DUS2: variants seen among roughly 807,000 people sequenced by gnomAD.
The protein encoded by DUS2 is dihydrouridine synthase 2.
A neutral mutation model predicts 71.3 loss-of-function variants in DUS2; 52 were observed. That is an observed-to-expected ratio of 0.73 (90% CI 0.58 to 0.92). The LOEUF (loss-of-function observed/expected upper bound fraction) is 0.92, where lower values mean the gene tolerates loss of function less well. Ranked by LOEUF, DUS2 falls within the 40% of genes least tolerant of loss-of-function variation. DUS2 has a pLI of 0.00. For synonymous variants in DUS2, 204 were observed against 227.8 expected, an observed-to-expected ratio of 0.90 and a Z score of 0.94; for missense variants, 558 against 622.6, an observed-to-expected ratio of 0.90 and a Z score of 1.10.
intron 7 of DUS2, among the ~76,000 whole-genome samples, chr16:68,058,916 A>G (rs2033898764): frequency 6.6e-6 from 1 of 152,228 alleles, no homozygotes. Context: ...AGCCAGATAA[A>G]AAGCATAGAT....
intron 8 of DUS2, among the ~76,000 whole-genome samples, chr16:68,065,514 C>G (rs2033993385): frequency 6.6e-6 from 1 of 151,956 alleles, no homozygotes; most frequent in Non-Finnish European, 1.5e-5. Flanking sequence ...CATGGTGGTC[C>G]CAGCTACTCT....
At chr16:68,037,773 G>GA (rs2033554728) in intron 2 of DUS2, 1 of 276,158 alleles carries the variant, frequency 3.6e-6, no homozygotes, top group Non-Finnish European at 6.9e-6. Flanking sequence ...GGTGGCAGAC[G>GA]CCCATAATCC....
intron 12 of DUS2, among the ~76,000 whole-genome samples, chr16:68,072,658 GCCACTGAAGTCATAGGC>G (rs2034103784): frequency 2.0e-5 from 3 of 151,890 alleles, no homozygotes; most frequent in Admixed American, 2.0e-4. Flanking sequence ...CACTTTCCCA[GCCACTGAAGTCATAGGC>G]CCACGTGGAG....
chr16:68,075,932 C>T (rs1255205350), intron 14 of DUS2, among the ~76,000 whole-genome samples: 6 of 152,164 alleles, frequency 3.9e-5, no homozygotes, highest in African/African-American at 1.2e-4. Flanking sequence ...AAGCTGCTTA[C>T]GCCTCAGATT....
intron 6 of DUS2, among the ~76,000 whole-genome samples, chr16:68,055,769 C>T (rs1050625638): frequency 3.3e-5 from 5 of 150,894 alleles, no homozygotes; most frequent in African/African-American, 9.7e-5. Context: ...CTGCTGATCA[C>T]GGACTATTAA....
chr16:68,061,117 A>G lies in DUS2; in HGVS notation c.417+4A>G, dbSNP rs200274192. The G allele has an allele frequency of 1.2e-6, 2 of 1,614,122 alleles. No homozygotes were observed. The highest frequency in any genetic ancestry group is 4.5e-5 in the East Asian group (2 of 44,878). On this transcript the variant is annotated splice_donor_region_variant and intron_variant, in intron 8 of 16. Transcript: ENST00000565263. ...AGACCCTGACAAGATTGAGAAGGTA[A>G]GTCCTCCACGAGTGAAAGCAGGGGT... is the stretch of plus-strand genomic sequence containing the variant.
At position 68,041,362 on chromosome 16, in the gene DUS2, C is replaced by T. The variant is rs899335634; in HGVS notation, c.126+3213C>T. Among the ~76,000 whole-genome samples, 9 of 152,134 alleles carry T rather than the reference C, an allele frequency of 5.9e-5. No homozygotes were observed. In the South Asian group the frequency reaches 1.2e-3, roughly 21 times the overall value. Reference sequence around the variant, plus strand: ...AGTTTTTGGGAGGTGCTGCAGAGGCCGCGTTCCTGTTTCTTTTTATAAGAA... The same window carrying T: ...AGTTTTTGGGAGGTGCTGCAGAGGCTGCGTTCCTGTTTCTTTTTATAAGAA... On this transcript the variant is annotated intron_variant, in intron 3 of 16. Coordinates refer to ENST00000565263, the MANE Select transcript of DUS2 (RefSeq NM_017803.5).
At chr16:68,056,572 A>G (rs2033855577) in intron 7 of DUS2, 148 bp downstream of exon 7, 1 of 629,306 alleles carries the variant, frequency 1.6e-6, no homozygotes, top group African/African-American at 1.8e-5. Flanking sequence ...TGAACTGACA[A>G]CATTAGAATA....
intron 6 of DUS2, among the ~76,000 whole-genome samples, chr16:68,055,948 G>T (rs1363914937): frequency 6.6e-6 from 1 of 151,972 alleles, no homozygotes; most frequent in Non-Finnish European, 1.5e-5. Flanking sequence ...GTGCAGCCCA[G>T]CCAACAAAGG....
At position 68,066,576 on chromosome 16, in the gene DUS2, C is replaced by T; in HGVS notation, c.494C>T (p.Thr165Ile). Residue 165 changes from threonine to isoleucine, a missense_variant, in exon 10 of 17, where the codon ACC (threonine) becomes ATC (isoleucine). Thr to Ile is a moderately conservative substitution (Grantham distance 89, BLOSUM62 -1). Coordinates refer to ENST00000565263, the MANE Select transcript of DUS2 (RefSeq NM_017803.5). ...KIRILPSLED[T>I]LSLVKRIERT... ...GGTCCTCCTCCTCAGCTAGAAGATA[C>T]CCTGAGCCTTGTGAAGCGGATAGAG... is the stretch of plus-strand genomic sequence containing the variant. 1.2e-6 allele frequency: 2 copies of T among 1,614,198 alleles called. No individual in the cohort carries two copies. Among genetic ancestry groups the T allele is most frequent in the Admixed American group, 1.7e-5 (1 of 60,016 alleles).
At chr16:68,050,960 C>G (rs1033508441) in intron 4 of DUS2, among the ~76,000 whole-genome samples, 1 of 152,246 alleles carries the variant, frequency 6.6e-6, no homozygotes, top group African/African-American at 2.4e-5. Context: ...TTGATTACCT[C>G]TCTCAACATG....
At chr16:68,046,753 T>A (rs2033707365) in intron 3 of DUS2, among the ~76,000 whole-genome samples, 1 of 151,952 alleles carries the variant, frequency 6.6e-6, no homozygotes, top group African/African-American at 2.4e-5. Context: ...CATTCTGATT[T>A]TTTTTTTTTT....
chr16:68,038,373 C>A (rs565918428), intron 3 of DUS2, among the ~76,000 whole-genome samples: 1 of 152,026 alleles, frequency 6.6e-6, no homozygotes, highest in Non-Finnish European at 1.5e-5. Flanking sequence ...TACCCTGGGC[C>A]GGGTGGATAG....
intron 12 of DUS2, among the ~76,000 whole-genome samples, chr16:68,073,615 A>G (rs1385780773): frequency 6.6e-6 from 1 of 151,844 alleles, no homozygotes; most frequent in African/African-American, 2.4e-5. Context: ...ACGCCCAGCT[A>G]ATTTTGTATT....
chr16:68,023,291 TG>T lies in DUS2; in HGVS notation c.-158del, dbSNP rs2033288200. On this transcript the variant is annotated 5_prime_UTR_variant, in exon 1 of 17. Transcript: ENST00000565263. The stretch of plus-strand genomic sequence containing the variant: ...CGGTGGCTGGCGAGGCTCAGTACGG[TG>T]TGTGGAGCTGGAGCACCGTGAGGAA... The T allele has an allele frequency of 1.4e-6, 2 of 1,417,086 alleles. No homozygotes were observed. Among genetic ancestry groups the T allele is most frequent in the East Asian group, 4.9e-5 (2 of 41,156 alleles). 87.8% of individuals were successfully genotyped at this position (1,417,086 alleles called of 1,614,324 possible). A position where few individuals can be genotyped will look rare whatever the true frequency, so the allele number is the denominator to read the frequency against.
chr16:68,048,152 A>G (rs1010574790), intron 3 of DUS2, among the ~76,000 whole-genome samples: 5 of 152,178 alleles, frequency 3.3e-5, no homozygotes, highest in Non-Finnish European at 7.3e-5. Context: ...GTTCTTTGCC[A>G]TGTGTGGCCT....
At chr16:68,067,023 CT>C (rs2034015299) in intron 10 of DUS2, among the ~76,000 whole-genome samples, 2 of 121,712 alleles carry the variant, frequency 1.6e-5, no homozygotes, top group African/African-American at 3.5e-5. Flanking sequence ...ATTTCCTTCC[CT>C]CCCTCCCTCC....
chr16:68,028,781 C>G lies in DUS2; in HGVS notation c.-19+3287C>G, dbSNP rs533639315. On this transcript the variant is annotated intron_variant, in intron 2 of 16. Coordinates refer to ENST00000565263, the MANE Select transcript of DUS2 (RefSeq NM_017803.5). ...TCTTCACAGCATTTCCTTTGACTCC[C>G]ATAGTGGAGCCTCATATTCCACAAG... Among the ~76,000 whole-genome samples, 29 of 152,266 alleles carry G rather than the reference C, an allele frequency of 1.9e-4. No individual in the cohort carries two copies. In the South Asian group the frequency reaches 6.0e-3, roughly 32 times the overall value.
At chr16:68,044,647 C>T (rs1363348888) in intron 3 of DUS2, among the ~76,000 whole-genome samples, 2 of 151,898 alleles carry the variant, frequency 1.3e-5, no homozygotes. Flanking sequence ...ATCCGCCTGC[C>T]TAGGCCTCCC....
Sources: allele counts gnomAD v4.1 joint callset (sites outside exome capture counted in the v4.1 genomes callset), GRCh38; gene constraint gnomAD v4.1.1; transcripts MANE v1.5; gene names NCBI Gene and HGNC (gene_info 2026-07-23, HGNC 2026-07-21).